Variants in SOCS2 observed in about 807,000 individuals in gnomAD.
SOCS2 encodes the protein CIS-2.
A neutral mutation model predicts 18.6 loss-of-function variants in SOCS2; 10 were observed. The observed-to-expected ratio is 0.54, with a 90% CI of 0.33 to 0.91. The LOEUF (loss-of-function observed/expected upper bound fraction) is 0.91. SOCS2 is among the 40% of genes least tolerant of loss of function. The pLI, the probability that SOCS2 is intolerant of heterozygous loss-of-function variation, is 0.02. For synonymous variants in SOCS2, 104 were observed against 104.0 expected (o/e 1.00, Z 0.00); for missense variants, 231 against 247.2 (o/e 0.93, Z 0.44).
downstream of SOCS2, among the ~76,000 whole-genome samples, chr12:93,579,486 G>T (rs1195420337): frequency 6.6e-6 from 1 of 151,898 alleles, no homozygotes; most frequent in Non-Finnish European, 1.5e-5. Flanking sequence ...TTTAAGTATG[G>T]CAGGCTCCTT....
the SOCS2 span, among the ~76,000 whole-genome samples, chr12:93,619,727 T>C: frequency 6.6e-6 from 1 of 152,180 alleles, no homozygotes; most frequent in Admixed American, 6.5e-5. Flanking sequence ...CAAGTGTTTT[T>C]CCCTTGCATT....
At chr12:93,593,833 T>A in the SOCS2 span, among the ~76,000 whole-genome samples, 10 of 152,070 alleles carry the variant, frequency 6.6e-5, no homozygotes, top group Non-Finnish European at 1.3e-4. Flanking sequence ...TAAAATAAAA[T>A]AAAATAAATT....
chr12:93,580,063 C>T (rs764686860), downstream of SOCS2, among the ~76,000 whole-genome samples: 5 of 152,134 alleles, frequency 3.3e-5, no homozygotes, highest in Non-Finnish European at 7.4e-5. Context: ...AAGGAAATAT[C>T]GCCAGCTGCC....
At chr12:93,589,038 T>G in the SOCS2 span, among the ~76,000 whole-genome samples, 1 of 152,236 alleles carries the variant, frequency 6.6e-6, no homozygotes, top group East Asian at 1.9e-4. Context: ...TTGCCACATG[T>G]GTTCCTTTCT....
the SOCS2 span, among the ~76,000 whole-genome samples, chr12:93,615,023 T>A: frequency 6.6e-6 from 1 of 152,048 alleles, no homozygotes; most frequent in Non-Finnish European, 1.5e-5. Context: ...TGCCACTTAA[T>A]TTTCCAGGCC....
the SOCS2 span, among the ~76,000 whole-genome samples, chr12:93,611,032 G>A: frequency 1.3e-5 from 2 of 152,032 alleles, no homozygotes; most frequent in South Asian, 4.1e-4. Flanking sequence ...CTAGGAGGCT[G>A]GTGTTTTAAC....
At chr12:93,617,705 A>T in the SOCS2 span, among the ~76,000 whole-genome samples, 1 of 151,866 alleles carries the variant, frequency 6.6e-6, no homozygotes, top group Non-Finnish European at 1.5e-5. Flanking sequence ...AAAAAAAAAA[A>T]TAGAGTTTTC....
Position 93,575,012 on chromosome 12 carries a change from C to G in SOCS2, c.430C>G (p.Arg144Gly). The G allele has an allele frequency of 6.2e-7, 1 of 1,614,044 alleles. No homozygotes were observed. The highest frequency in any genetic ancestry group is 8.5e-7 in the Non-Finnish European group (1 of 1,179,978). Residue 144 changes from arginine (R) to glycine (G), a missense_variant, in exon 2 of 2, where the codon CGG becomes GGG. Physicochemically the swap from Arg to Gly is moderately radical, Grantham distance 125. Transcript: ENST00000551556. ...TAAGCGGACAGGTCCAGAAGCCCCCCGGAACGGCACTGTTCACCTTTATCT... is the reference window on the plus strand; with the variant it reads ...TAAGCGGACAGGTCCAGAAGCCCCCGGGAACGGCACTGTTCACCTTTATCT... ...KDKRTGPEAPRNGTVHLYLTK... is the reference protein window; with the variant it reads ...KDKRTGPEAPGNGTVHLYLTK...
At chr12:93,579,585 G>A (rs544499489), downstream of SOCS2, among the ~76,000 whole-genome samples, 11 of 152,204 alleles carry the variant, frequency 7.2e-5, no homozygotes, top group Non-Finnish European at 1.3e-4. Context: ...AAGTAAGAAC[G>A]ATTCTGTGAG....
At chr12:93,577,037 A>G (rs907836627), downstream of SOCS2, among the ~76,000 whole-genome samples, 4 of 152,184 alleles carry the variant, frequency 2.6e-5, no homozygotes, top group African/African-American at 9.7e-5. Context: ...CAAAACTTCT[A>G]TATGATCAGT....
At chr12:93,604,207 A>C in the SOCS2 span, among the ~76,000 whole-genome samples, 1 of 71,104 alleles carries the variant, frequency 1.4e-5, no homozygotes, top group South Asian at 3.1e-4. Flanking sequence ...AAAACAAAAC[A>C]AAAAAAACAA....
At chr12:93,614,938 T>TAA in the SOCS2 span, among the ~76,000 whole-genome samples, 63 of 135,540 alleles carry the variant, frequency 4.6e-4, no homozygotes, top group Non-Finnish European at 7.4e-4. Context: ...ATTTTCTATT[T>TAA]AAAAAAAAAA....
chr12:93,573,723 C>T (rs1440076043), intron 1 of SOCS2: 2 of 152,450 alleles, frequency 1.3e-5, no homozygotes, highest in East Asian at 3.9e-4. Context: ...AGTTGTGGCA[C>T]AGTTGAAATT....
At chr12:93,578,413 T>C (rs1407429957), downstream of SOCS2, among the ~76,000 whole-genome samples, 1 of 152,042 alleles carries the variant, frequency 6.6e-6, no homozygotes, top group East Asian at 1.9e-4. Flanking sequence ...CAGTTGTGAG[T>C]TTAGGCACGG....
At chr12:93,574,613 T>G in intron 1 of SOCS2, 109 bp from the exon 2 acceptor site, 1 of 707,808 alleles carries the variant, frequency 1.4e-6, no homozygotes, top group Admixed American at 3.6e-5. Context: ...TTTTTTTTTT[T>G]TCTTTTTTAG....
chr12:93,587,525 CA>C (rs1275580005), downstream of SOCS2, among the ~76,000 whole-genome samples: 10 of 151,782 alleles, frequency 6.6e-5, no homozygotes, highest in East Asian at 1.4e-3. Flanking sequence ...ACTAAAAATA[CA>C]AAAAAGTAGC....
At chr12:93,622,639 G>A in the SOCS2 span, among the ~76,000 whole-genome samples, 4 of 152,164 alleles carry the variant, frequency 2.6e-5, no homozygotes, top group Non-Finnish European at 5.9e-5. Flanking sequence ...TGGCTTCTAT[G>A]CCAATACTCT....
the SOCS2 span, among the ~76,000 whole-genome samples, chr12:93,591,975 A>G: frequency 6.6e-6 from 1 of 152,176 alleles, no homozygotes; most frequent in Non-Finnish European, 1.5e-5. Context: ...CAGGGTAAAT[A>G]CAACCTCTTC....
chr12:93,612,659 G>A, the SOCS2 span, among the ~76,000 whole-genome samples: 1 of 152,066 alleles, frequency 6.6e-6, no homozygotes, highest in Non-Finnish European at 1.5e-5. Flanking sequence ...GAATTGTATT[G>A]TTTTTTTCCA....
Sources: allele counts gnomAD v4.1 joint callset (sites outside exome capture counted in the v4.1 genomes callset), GRCh38; gene constraint gnomAD v4.1.1; transcripts MANE v1.5; gene names NCBI Gene and HGNC (gene_info 2026-07-23, HGNC 2026-07-21).